SLC6A19: variants seen among roughly 807,000 people sequenced by gnomAD.
SLC6A19 encodes solute carrier family 6 member 19, also known as sodium-dependent neutral amino acid transporter B(0)AT1.
Under a neutral mutation model 68.3 loss-of-function variants are expected in SLC6A19, and 67 were observed. The ratio of observed to expected loss-of-function variants is 0.98; its 90% CI spans 0.81 to 1.20. The LOEUF (loss-of-function observed/expected upper bound fraction) is 1.20. SLC6A19 is among the 50% of genes most tolerant of loss of function. The pLI, the probability that SLC6A19 is intolerant of heterozygous loss-of-function variation, is 0.00. For missense variants in SLC6A19, 813 were observed against 851.6 expected (o/e 0.95, Z 0.56); for synonymous variants, 392 against 374.9 (o/e 1.05, Z -0.53).
intron 1 of SLC6A19, among the ~76,000 whole-genome samples, chr5:1,203,266 C>G (rs191416497): frequency 6.6e-6 from 1 of 152,330 alleles, no homozygotes; most frequent in African/African-American, 2.4e-5. Context: ...GGGCAGGAAT[C>G]TGATGGGGCT....
chr5:1,213,972 C>G lies in SLC6A19; in HGVS notation c.794C>G (p.Pro265Arg). ...GCGCAGGTCACGGAGCTGGCCCAGC[C>G]GGACACCTGGCTGGACGCGGGCGCA... ...FTPNVTELAQ[P>R]DTWLDAGAQV... Residue 265 changes from proline to arginine, a missense_variant, in exon 6 of 12, where the codon CCG (proline) becomes CGG (arginine). Pro to Arg is a moderately radical substitution (Grantham distance 103). Coordinates refer to ENST00000304460, the MANE Select transcript of SLC6A19 (RefSeq NM_001003841.3). The G allele has an allele frequency of 6.2e-7, 1 of 1,613,472 alleles. No homozygotes were observed. The highest frequency in any genetic ancestry group is 2.2e-5 in the East Asian group (1 of 44,882).
At chr5:1,217,597 C>T (rs545486979) in intron 8 of SLC6A19, among the ~76,000 whole-genome samples, 72 of 152,300 alleles carry the variant, frequency 4.7e-4, no homozygotes, top group Middle Eastern at 6.8e-3. Flanking sequence ...GAGCCATTTC[C>T]GCACCAGCTG....
chr5:1,207,271 C>T (rs771001961), intron 1 of SLC6A19, among the ~76,000 whole-genome samples: 5 of 152,182 alleles, frequency 3.3e-5, no homozygotes, highest in Non-Finnish European at 5.9e-5. Context: ...ACCTTGGGCA[C>T]CGTCATGATG....
chr5:1,209,929 C>T lies in SLC6A19; in HGVS notation c.344-515C>T, dbSNP rs759206212. Among the ~76,000 whole-genome samples, 10 of 152,234 alleles carry T rather than the reference C, an allele frequency of 6.6e-5. No individual in the cohort carries two copies. The highest frequency in any genetic ancestry group is 1.3e-4 in the Non-Finnish European group (9 of 68,048). On this transcript the variant is annotated intron_variant, in intron 2 of 11. Coordinates refer to ENST00000304460, the MANE Select transcript of SLC6A19 (RefSeq NM_001003841.3). The surrounding 1 kb of genome is among the most constrained non-coding windows in gnomAD (Gnocchi z 5.5). ...TGTCCCCAAATAATTGAGAACATTC[C>T]CCTCTGCAGTTTCTGTTGTCTCCCC...
Position 1,213,566 on chromosome 5 carries a change from C to T in SLC6A19, c.767C>T (p.Thr256Met), listed in dbSNP as rs375879452. 4.3e-5 allele frequency: 69 copies of T among 1,611,848 alleles called. No homozygotes were observed. The Middle Eastern group carries it at 1.6e-3, about 39-fold the overall frequency. The change falls in exon 5 of 12, where the codon ACG becomes ATG. Residue 256 changes from threonine (T) to methionine (M), a missense_variant. Coordinates refer to ENST00000304460, the MANE Select transcript of SLC6A19 (RefSeq NM_001003841.3). ...ACCAATGGCATCGTCTTCCTCTTCA[C>T]GCCCAACGTAAGTCCCCGAGGCTGC... is the stretch of plus-strand genomic sequence containing the variant. ...GATNGIVFLF[T>M]PNVTELAQPD...
Position 1,221,590 on chromosome 5 carries a change from T to C in SLC6A19, c.1702-111T>C, listed in dbSNP as rs1746382686. 34 of 1,381,628 alleles carry C rather than the reference T, an allele frequency of 2.5e-5. 1 individual carries two copies. The South Asian group carries it at 4.0e-4, about 16-fold the overall frequency. 85.6% of individuals were successfully genotyped at this position (1,381,628 alleles called of 1,614,324 possible). A position where few individuals can be genotyped will look rare whatever the true frequency, so the allele number is the denominator to read the frequency against. On this transcript the variant is annotated intron_variant, in intron 11 of 11. Transcript: ENST00000304460. The stretch of plus-strand genomic sequence containing the variant: ...AAGCTGGAGGAGCCCCAGGCCACCC[T>C]GCCTGCCCCACAGGACAGGAGGTGA...
chr5:1,219,572 C>T lies in SLC6A19; in HGVS notation c.1446C>T (p.Leu482=), dbSNP rs1192710046. 1 of 1,612,214 alleles carries T rather than the reference C, an allele frequency of 6.2e-7. No homozygotes were observed. Among genetic ancestry groups the T allele is most frequent in the African/African-American group, 1.3e-5 (1 of 75,066 alleles). Residue 482 remains leucine, a synonymous_variant, in exon 10 of 12, where the codon CTC becomes CTT. Coordinates refer to ENST00000304460, the MANE Select transcript of SLC6A19 (RefSeq NM_001003841.3). The stretch of plus-strand genomic sequence containing the variant: ...CGCTGAACTCCGGCCAGTACTGGCT[C>T]TCCCTGCTGGACAGCTATGCCGGCT... ...IFTLNSGQYW[L]SLLDSYAGSI... is the part of the protein sequence containing the mutation.
In SLC6A19 at chr5:1,214,809, G is replaced by A. The variant is rs1161074919; in HGVS notation, c.887+744G>A. Among the ~76,000 whole-genome samples the A allele has an allele frequency of 1.3e-5, 2 of 151,450 alleles. No individual in the cohort carries two copies. Among genetic ancestry groups the A allele is most frequent in the Admixed American group, 6.6e-5 (1 of 15,220 alleles). The stretch of plus-strand genomic sequence containing the variant: ...AGACACAGGGGACCCTCAGTGCAAG[G>A]GGGCAGGGCCTGGGTAGGGAGGGTG... On this transcript the variant is annotated intron_variant, in intron 6 of 11. Transcript: ENST00000304460. The surrounding 1 kb of genome is among the most constrained non-coding windows in gnomAD (Gnocchi z 7.4).
At chr5:1,204,765 G>A (rs1290160920) in intron 1 of SLC6A19, among the ~76,000 whole-genome samples, 1 of 152,238 alleles carries the variant, frequency 6.6e-6, no homozygotes, top group Non-Finnish European at 1.5e-5. Flanking sequence ...GGACCATGTG[G>A]CGCCAGCACA....
chr5:1,220,710 C>T (rs912438306), intron 10 of SLC6A19, among the ~76,000 whole-genome samples: 29 of 152,116 alleles, frequency 1.9e-4, no homozygotes, highest in African/African-American at 6.0e-4. Flanking sequence ...TTTATGCAGA[C>T]GATAAACTCC....
chr5:1,214,126 G>C lies in SLC6A19; in HGVS notation c.887+61G>C, dbSNP rs1391389006. On this transcript the variant is annotated intron_variant, in intron 6 of 11. Coordinates refer to ENST00000304460, the MANE Select transcript of SLC6A19 (RefSeq NM_001003841.3). This position sits in a 1 kb window ranked among gnomAD's most constrained non-coding sequence, Gnocchi z 7.4. ...CAGTCCTGGGGGGATCTTGCTGGGAGGATAAAAGACAAGGTGGAAAGCACT... is the reference window on the plus strand; with the variant it reads ...CAGTCCTGGGGGGATCTTGCTGGGACGATAAAAGACAAGGTGGAAAGCACT... 4 of 1,611,240 alleles carry C rather than the reference G, an allele frequency of 2.5e-6. No homozygotes were observed. In the East Asian group the frequency reaches 8.9e-5, roughly 36 times the overall value.
At position 1,217,832 on chromosome 5, in the gene SLC6A19, C is replaced by A. The variant is rs947670960; in HGVS notation, c.1173+887C>A. On this transcript the variant is annotated intron_variant, in intron 8 of 11. Transcript: ENST00000304460. ...CCCCCGTCCACGCCCGCAAGCTTTCCGTGTGCTGTTGCTCCCCACCCCTGG... is the reference window on the plus strand; with the variant it reads ...CCCCCGTCCACGCCCGCAAGCTTTCAGTGTGCTGTTGCTCCCCACCCCTGG... Among the ~76,000 whole-genome samples the A allele has an allele frequency of 2.0e-5, 3 of 152,368 alleles. No homozygotes were observed. In the East Asian group the frequency reaches 5.8e-4, roughly 29 times the overall value.
At chr5:1,219,719 G>T (rs1017674503) in intron 10 of SLC6A19, 55 bp downstream of exon 10, 2 of 1,596,636 alleles carry the variant, frequency 1.3e-6, no homozygotes, top group South Asian at 2.2e-5. Flanking sequence ...AGGTCACAGG[G>T]CGTTCCTGTG....
At position 1,222,422 on chromosome 5, in the gene SLC6A19, C is replaced by A. The variant is rs562758572; in HGVS notation, c.*518C>A. ...GTATATCTGTGAGTGTATATACATG[C>A]ATGCAATTGTGTGTATGTGTGTTCT... On this transcript the variant is annotated 3_prime_UTR_variant, in exon 12 of 12. Coordinates refer to ENST00000304460, the MANE Select transcript of SLC6A19 (RefSeq NM_001003841.3). The A allele has an allele frequency of 5.7e-5, 25 of 441,974 alleles. No individual in the cohort carries two copies. Among genetic ancestry groups the A allele is most frequent in the Non-Finnish European group, 9.5e-5 (24 of 252,202 alleles). 27.4% of individuals were successfully genotyped at this position (441,974 alleles called of 1,614,324 possible).
intron 3 of SLC6A19, among the ~76,000 whole-genome samples, chr5:1,211,563 T>A (rs1479730269): frequency 6.6e-6 from 1 of 152,340 alleles, no homozygotes; most frequent in Non-Finnish European, 1.5e-5. Flanking sequence ...CACAAAGGTG[T>A]GTGCATGCAT....
At position 1,221,988 on chromosome 5, in the gene SLC6A19, C is replaced by G; in HGVS notation, c.*84C>G. ...CCTGTGGGGTGGGGGCCGGGCTGCA[C>G]CTGCATGTGTGTAAGCGTGAGTGTA... On this transcript the variant is annotated 3_prime_UTR_variant, in exon 12 of 12. Coordinates refer to ENST00000304460, the MANE Select transcript of SLC6A19 (RefSeq NM_001003841.3). The G allele has an allele frequency of 1.4e-6, 2 of 1,459,630 alleles. No homozygotes were observed. The highest frequency in any genetic ancestry group is 1.9e-6 in the Non-Finnish European group (2 of 1,060,240). 90.4% of individuals were successfully genotyped at this position (1,459,630 alleles called of 1,614,324 possible).
chr5:1,212,600 C>T lies in SLC6A19; in HGVS notation c.663+116C>T, dbSNP rs1746075868. On this transcript the variant is annotated intron_variant, in intron 4 of 11. Transcript: ENST00000304460. This position sits in a 1 kb window ranked among gnomAD's most constrained non-coding sequence, Gnocchi z 5.1. ...CTGGGGGTCCCGGGCTCTGCCTTTC[C>T]CCAGACCCCACCAAGAGAGCTGCCT... The T allele has an allele frequency of 4.5e-6, 6 of 1,330,078 alleles. No homozygotes were observed. The South Asian group carries it at 6.1e-5, about 14-fold the overall frequency. The allele number at this position is 1,330,078 out of a possible 1,614,324, so 82.4% of individuals were successfully genotyped here.
chr5:1,212,596 T>C lies in SLC6A19; in HGVS notation c.663+112T>C, dbSNP rs191029233. 7 of 1,379,172 alleles carry C rather than the reference T, an allele frequency of 5.1e-6. No homozygotes were observed. The highest frequency in any genetic ancestry group is 7.0e-6 in the Non-Finnish European group (7 of 996,464). 85.4% of individuals were successfully genotyped at this position (1,379,172 alleles called of 1,614,324 possible). On this transcript the variant is annotated intron_variant, in intron 4 of 11. Coordinates refer to ENST00000304460, the MANE Select transcript of SLC6A19 (RefSeq NM_001003841.3). This position sits in a 1 kb window ranked among gnomAD's most constrained non-coding sequence, Gnocchi z 5.1. The stretch of plus-strand genomic sequence containing the variant: ...AGGTCTGGGGGTCCCGGGCTCTGCC[T>C]TTCCCCAGACCCCACCAAGAGAGCT...
At chr5:1,218,227 G>A (rs1213340163) in intron 8 of SLC6A19, among the ~76,000 whole-genome samples, 1 of 152,248 alleles carries the variant, frequency 6.6e-6, no homozygotes, top group Admixed American at 6.5e-5. Flanking sequence ...GGCCGTGGAG[G>A]ACCCTGTCTT....
Sources: gnomAD v4.1 joint callset for allele counts (sites outside exome capture counted in the v4.1 genomes callset) on GRCh38, gnomAD v4.1.1 for gene constraint, Gnocchi (gnomAD v3.1) non-coding constraint, MANE v1.5 for transcripts, NCBI Gene and HGNC (gene_info 2026-07-23, HGNC 2026-07-21) for gene names.